The following TASOR variants were observed in gnomAD, a reference collection of about 807,000 sequenced individuals.
TASOR encodes the protein protein TASOR.
A neutral mutation model predicts 178.6 loss-of-function variants in TASOR; 53 were observed. The observed-to-expected ratio is 0.30, with a 90% confidence interval of 0.24 to 0.37. The LOEUF (loss-of-function observed/expected upper bound fraction) is 0.37, where lower values mean the gene tolerates loss of function less well. Ranked by LOEUF, TASOR falls within the 10% of genes least tolerant of loss-of-function variation. TASOR has a pLI of 1.00. For missense variants in TASOR, 1,815 were observed against 1,971.4 expected, an observed-to-expected ratio of 0.92 and a Z score of 1.50; for synonymous variants, 713 against 696.2, an observed-to-expected ratio of 1.02 and a Z score of -0.38.
At chr3:56,639,162 T>C (rs954766713) in intron 16 of TASOR, among the ~76,000 whole-genome samples, 1 of 152,218 alleles carries the variant, frequency 6.6e-6, no homozygotes, top group African/African-American at 2.4e-5. Flanking sequence ...TTATAAATTC[T>C]TCTCAGAGTC....
chr3:56,643,858 C>T (rs2077181743), intron 14 of TASOR, among the ~76,000 whole-genome samples: 1 of 151,834 alleles, frequency 6.6e-6, no homozygotes, highest in Admixed American at 6.6e-5. Context: ...GTAAGAAACA[C>T]CTAAAAATGC....
intron 18 of TASOR, among the ~76,000 whole-genome samples, chr3:56,631,719 G>A (rs1203909030): frequency 6.6e-6 from 1 of 151,844 alleles, no homozygotes; most frequent in Non-Finnish European, 1.5e-5. Context: ...GAGTAGCTGG[G>A]ACTACAGGCG....
intron 23 of TASOR, among the ~76,000 whole-genome samples, chr3:56,624,137 C>T (rs984678734): frequency 2.6e-5 from 4 of 152,202 alleles, no homozygotes; most frequent in Admixed American, 2.6e-4. Context: ...ATCTGGTTTC[C>T]TACCTTTTTA....
At chr3:56,678,148 T>C (rs1417742033) in intron 1 of TASOR, among the ~76,000 whole-genome samples, 1 of 151,694 alleles carries the variant, frequency 6.6e-6, no homozygotes, top group East Asian at 1.9e-4. Flanking sequence ...ATATTTTTTA[T>C]TACTAGTATC....
chr3:56,681,314 A>C (rs2107649161), intron 1 of TASOR, among the ~76,000 whole-genome samples: 1 of 152,302 alleles, frequency 6.6e-6, no homozygotes, highest in Non-Finnish European at 1.5e-5. Context: ...ATTTTAACTA[A>C]ATACACGAAA....
chr3:56,636,293 G>GAAA lies in TASOR; in HGVS notation c.2825-2330_2825-2328dup, dbSNP rs34785628. ...CAAGATTCTGTTGCAAAAAAAAATA[G>GAAA]AAAAAAAAAACAAAACTTAATTATT... On this transcript the variant is annotated intron_variant, in intron 17 of 23. Coordinates refer to ENST00000683822, the MANE Select transcript of TASOR (RefSeq NM_001365635.2). Among the ~76,000 whole-genome samples, 5 of 146,096 alleles carry GAAA rather than the reference G, an allele frequency of 3.4e-5. No individual in the cohort carries two copies. In the South Asian group the frequency reaches 1.1e-3, roughly 32 times the overall value.
In TASOR at chr3:56,641,550, T is replaced by C; in HGVS notation, c.2418A>G (p.Glu806=). The change falls in exon 15 of 24, where the codon GAA becomes GAG. Residue 806 remains glutamate, a synonymous_variant. Transcript: ENST00000683822. ...ALGLSTDDAY[E]ELRQKHEYEL... ...CATACTCATGTTTTTGCCTCAGCTC[T>C]TCATAGGCATCATCAGTGCTCAATC... The C allele has an allele frequency of 6.2e-7, 1 of 1,614,216 alleles. No homozygotes were observed. The highest frequency in any genetic ancestry group is 8.5e-7 in the Non-Finnish European group (1 of 1,180,018).
intron 1 of TASOR, 54 bp from the exon 2 acceptor site, chr3:56,673,779 T>A: frequency 7.1e-7 from 1 of 1,407,076 alleles, no homozygotes; most frequent in South Asian, 1.5e-5. Context: ...ATCTTAAATA[T>A]AGCTTTTTAT....
chr3:56,664,499 G>A (rs2077666025), intron 7 of TASOR, among the ~76,000 whole-genome samples: 1 of 152,160 alleles, frequency 6.6e-6, no homozygotes, highest in Admixed American at 6.5e-5. Context: ...TGTGGCTATA[G>A]ATGGTTTCCA....
At chr3:56,653,778 C>T (rs549556780) in intron 11 of TASOR, among the ~76,000 whole-genome samples, 4 of 152,128 alleles carry the variant, frequency 2.6e-5, no homozygotes, top group Non-Finnish European at 5.9e-5. Flanking sequence ...ATCCCTGTTT[C>T]CCTATACACA....
Position 56,633,481 on chromosome 3 carries a change from G to C in TASOR, c.3310C>G (p.Pro1104Ala). ...GCTATCTTAGCACCAGAATCGTTAG[G>C]ACTGACTGGTGGCAAATTCCCACCC... ...AKGGNLPPVS[P>A]NDSGAKIASN... Residue 1104 changes from proline to alanine, a missense_variant, in exon 18 of 24, where the codon CCT becomes GCT. Pro to Ala is a conservative substitution (Grantham distance 27, BLOSUM62 -1). This residue lies in a region of TASOR where 655 missense variants were observed against 671.1 expected (regional missense o/e 0.98). Coordinates refer to ENST00000683822, the MANE Select transcript of TASOR (RefSeq NM_001365635.2). 1 of 1,614,146 alleles carries C rather than the reference G, an allele frequency of 6.2e-7. No individual in the cohort carries two copies. The highest frequency in any genetic ancestry group is 8.5e-7 in the Non-Finnish European group (1 of 1,180,012).
Position 56,621,589 on chromosome 3 carries a change from C to T in TASOR, c.*1448G>A, listed in dbSNP as rs369777591. The T allele has an allele frequency of 1.6e-5, 26 of 1,599,394 alleles. No homozygotes were observed. In the African/African-American group the frequency reaches 3.4e-4, roughly 21 times the overall value. On this transcript the variant is annotated 3_prime_UTR_variant, in exon 24 of 24. Transcript: ENST00000683822. ...TAGTCTCCTGCCTTTAGCTGAAAAT[C>T]AAGAAGAGAGTTTTGGTTCTTCATT...
At position 56,658,355 on chromosome 3, in the gene TASOR, A is replaced by G. The variant is rs559223531; in HGVS notation, c.1368+2376T>C. Among the ~76,000 whole-genome samples the G allele has an allele frequency of 8.9e-4, 136 of 152,334 alleles. 1 individual carries two copies. The highest frequency in any genetic ancestry group is 3.4e-3 in the Middle Eastern group (1 of 294). ...TGCCATCTTTCCTATCCTGATCCTC[A>G]TATCAGTAACCGAAAGATATTGTAA... On this transcript the variant is annotated intron_variant, in intron 11 of 23. Coordinates refer to ENST00000683822, the MANE Select transcript of TASOR (RefSeq NM_001365635.2).
chr3:56,673,455 A>AAC lies in TASOR; in HGVS notation c.477+124_477+125insGT. The AAC allele has an allele frequency of 1.2e-5, 8 of 678,144 alleles. No homozygotes were observed. The South Asian group carries it at 2.3e-4, about 20-fold the overall frequency. The allele number at this position is 678,144 out of a possible 1,614,324, so 42.0% of individuals were successfully genotyped here. On this transcript the variant is annotated intron_variant, in intron 2 of 23. Coordinates refer to ENST00000683822, the MANE Select transcript of TASOR (RefSeq NM_001365635.2). Reference sequence around the variant, plus strand: ...CTCCAAAAAAAAAAAAAAAAAAAAAAAAACTTGTTTTCCCTTTGTAATTTG... The same window carrying AAC: ...CTCCAAAAAAAAAAAAAAAAAAAAAAACAAACTTGTTTTCCCTTTGTAATTTG...
At chr3:56,624,358 C>T in intron 23 of TASOR, 121 bp downstream of exon 23, 4 of 920,108 alleles carry the variant, frequency 4.3e-6, no homozygotes, top group Non-Finnish European at 6.6e-6. Context: ...AAACACTTTC[C>T]CTATGGCTGT....
At chr3:56,664,486 A>G (rs1202778331) in intron 7 of TASOR, among the ~76,000 whole-genome samples, 1 of 152,244 alleles carries the variant, frequency 6.6e-6, no homozygotes, top group Non-Finnish European at 1.5e-5. Flanking sequence ...GTCAATTGGT[A>G]CCTGTGGCTA....
In TASOR at chr3:56,633,483, C is replaced by T; in HGVS notation, c.3308G>A (p.Ser1103Asn). ...SAKGGNLPPV[S>N]PNDSGAKIAS... Reference sequence around the variant, plus strand: ...TATCTTAGCACCAGAATCGTTAGGACTGACTGGTGGCAAATTCCCACCCTT... The same window carrying T: ...TATCTTAGCACCAGAATCGTTAGGATTGACTGGTGGCAAATTCCCACCCTT... The change falls in exon 18 of 24, where the codon AGT becomes AAT. Residue 1103 changes from serine to asparagine, a missense_variant. Ser to Asn is a conservative substitution (Grantham distance 46). Transcript: ENST00000683822. 1 of 1,614,150 alleles carries T rather than the reference C, an allele frequency of 6.2e-7. No individual in the cohort carries two copies. The highest frequency in any genetic ancestry group is 8.5e-7 in the Non-Finnish European group (1 of 1,180,018).
At chr3:56,654,403 T>TGGGGGGGGGGGG (rs1559838476) in intron 11 of TASOR, among the ~76,000 whole-genome samples, 4 of 127,308 alleles carry the variant, frequency 3.1e-5, no homozygotes, top group Non-Finnish European at 3.4e-5. Flanking sequence ...TGGGCGGGGT[T>TGGGGGGGGGGGG]GGGGGGTGGT....
rs901495093 is a variant in TASOR at position 56,622,854 on chromosome 3, C to T, written c.*183G>A. The T allele has an allele frequency of 9.9e-6, 4 of 403,224 alleles. No homozygotes were observed. Among genetic ancestry groups the T allele is most frequent in the African/African-American group, 8.3e-5 (4 of 48,300 alleles). The allele number at this position is 403,224 out of a possible 1,614,324, so 25.0% of individuals were successfully genotyped here. The stretch of plus-strand genomic sequence containing the variant: ...GTGCCAACATGAGATAATTCAAGTA[C>T]AATATATGTTAAAAATATATATTTA... On this transcript the variant is annotated 3_prime_UTR_variant, in exon 24 of 24. Transcript: ENST00000683822.
Sources: gnomAD v4.1 joint callset for allele counts (sites outside exome capture counted in the v4.1 genomes callset) on GRCh38, gnomAD v4.1.1 for gene constraint, gnomAD v4.1.1 regional missense constraint, MANE v1.5 for transcripts, NCBI Gene and HGNC (gene_info 2026-07-23, HGNC 2026-07-21) for gene names.